The following IGSF11 variants were observed in gnomAD, a reference collection of about 807,000 sequenced individuals.
IGSF11 encodes the protein immunoglobulin superfamily member 11.
A neutral mutation model predicts 41.0 loss-of-function variants in IGSF11; 22 were observed. That is an observed-to-expected ratio of 0.54 (90% CI 0.38 to 0.77). IGSF11 has a LOEUF of 0.77. Ranked by LOEUF, IGSF11 falls within the 30% of genes least tolerant of loss-of-function variation. IGSF11 has a pLI of 0.00. For synonymous variants in IGSF11, 219 were observed against 201.3 expected, an observed-to-expected ratio of 1.09 and a Z score of -0.74; for missense variants, 444 against 530.8, an observed-to-expected ratio of 0.84 and a Z score of 1.61.
At chr3:119,107,440 T>G (rs1267967590), upstream of IGSF11, among the ~76,000 whole-genome samples, 2 of 152,230 alleles carry the variant, frequency 1.3e-5, no homozygotes, top group Non-Finnish European at 2.9e-5. Flanking sequence ...GGTTGTTTGT[T>G]TTTTTCTTGT....
intron 1 of IGSF11, among the ~76,000 whole-genome samples, chr3:119,004,956 A>G (rs895787183): frequency 6.6e-6 from 1 of 151,166 alleles, no homozygotes; most frequent in African/African-American, 2.4e-5. Context: ...TGGGGTGGAG[A>G]GTTCTGTAGA....
intron 1 of IGSF11, among the ~76,000 whole-genome samples, chr3:118,952,728 T>C (rs926857873): frequency 1.3e-5 from 2 of 151,948 alleles, no homozygotes; most frequent in African/African-American, 4.8e-5. Context: ...TACACAAAAA[T>C]GAGAAGTAAA....
At chr3:118,998,956 T>C (rs1283154454) in intron 1 of IGSF11, among the ~76,000 whole-genome samples, 1 of 152,116 alleles carries the variant, frequency 6.6e-6, no homozygotes, top group African/African-American at 2.4e-5. Context: ...CAAGTTATGT[T>C]ACATCCATAC....
At chr3:118,903,003 A>C (rs369198759) in intron 6 of IGSF11, 42 bp from the exon 7 acceptor site, 11 of 1,555,448 alleles carry the variant, frequency 7.1e-6, no homozygotes, top group East Asian at 2.3e-5. Context: ...ATTTACTTCA[A>C]GTTAATCCTA....
chr3:119,127,534 A>T lies in IGSF11; in HGVS notation c.-14+18279T>A, dbSNP rs141107275. On this transcript the variant is annotated intron_variant, in intron 1 of 7. Transcript: ENST00000425327. Reference sequence around the variant, plus strand: ...ACTTCCCCAACTTTGCCAACATGCAAATTCAGGAAATACAGAGAACACCAT... The same window carrying T: ...ACTTCCCCAACTTTGCCAACATGCATATTCAGGAAATACAGAGAACACCAT... Among the ~76,000 whole-genome samples, 548 of 152,220 alleles carry T rather than the reference A, an allele frequency of 3.6e-3. 3 individuals carry two copies. The highest frequency in any genetic ancestry group is 0.012 in the African/African-American group (505 of 41,530).
chr3:119,004,894 A>G (rs553261732), intron 1 of IGSF11, among the ~76,000 whole-genome samples: 3 of 152,204 alleles, frequency 2.0e-5, no homozygotes, highest in South Asian at 2.1e-4. Flanking sequence ...TATGTGGTCA[A>G]TTTTGGAATA....
In IGSF11 at chr3:118,904,526, A is replaced by G. The variant is rs182636242; in HGVS notation, c.854+122T>C. 9 of 720,414 alleles carry G rather than the reference A, an allele frequency of 1.2e-5. No individual in the cohort carries two copies. In the East Asian group the frequency reaches 2.3e-4, roughly 18 times the overall value. The allele number at this position is 720,414 out of a possible 1,614,324, so 44.6% of individuals were successfully genotyped here. Reference sequence around the variant, plus strand: ...AGTGATATACAAGAAAATACCATTTAGCCACTTTAATAGTCTCGGCCATCA... The same window carrying G: ...AGTGATATACAAGAAAATACCATTTGGCCACTTTAATAGTCTCGGCCATCA... On this transcript the variant is annotated intron_variant, in intron 6 of 6. Transcript: ENST00000393775.
chr3:119,000,844 T>C (rs1936749821), intron 1 of IGSF11, among the ~76,000 whole-genome samples: 1 of 152,206 alleles, frequency 6.6e-6, no homozygotes, highest in Admixed American at 6.5e-5. Context: ...AGAGTGCCTC[T>C]GTTCAAATCT....
At chr3:119,082,771 C>T (rs1468449602) in intron 1 of IGSF11, among the ~76,000 whole-genome samples, 1 of 152,142 alleles carries the variant, frequency 6.6e-6, no homozygotes, top group Non-Finnish European at 1.5e-5. Flanking sequence ...AAAAATTAAA[C>T]TTTACTGAAA....
chr3:118,999,178 GA>G (rs1559764951), intron 1 of IGSF11, among the ~76,000 whole-genome samples: 1 of 151,892 alleles, frequency 6.6e-6, no homozygotes, highest in Non-Finnish European at 1.5e-5. Context: ...CAGGATATGA[GA>G]AAAACTTACT....
At chr3:119,138,556 A>C (rs1249036977) in intron 1 of IGSF11, among the ~76,000 whole-genome samples, 2 of 152,172 alleles carry the variant, frequency 1.3e-5, no homozygotes, top group Non-Finnish European at 2.9e-5. Flanking sequence ...ATGGTGGCAC[A>C]TGCCTGTAAT....
intron 1 of IGSF11, among the ~76,000 whole-genome samples, chr3:119,042,282 T>C (rs186562719): frequency 2.0e-5 from 3 of 152,224 alleles, no homozygotes; most frequent in Non-Finnish European, 2.9e-5. Flanking sequence ...AGGAAGCTCA[T>C]AGTGCACATT....
At chr3:118,908,672 A>G (rs1310270185) in intron 4 of IGSF11, among the ~76,000 whole-genome samples, 1 of 152,178 alleles carries the variant, frequency 6.6e-6, no homozygotes, top group Non-Finnish European at 1.5e-5. Flanking sequence ...CTCACACTCC[A>G]CTGTTTTAGT....
intron 4 of IGSF11, among the ~76,000 whole-genome samples, chr3:118,924,076 G>A (rs915168366): frequency 1.3e-5 from 2 of 151,798 alleles, no homozygotes; most frequent in African/African-American, 4.8e-5. Flanking sequence ...ACATTAGTTG[G>A]CATCATACTG....
chr3:118,922,119 T>C (rs1445611831), intron 4 of IGSF11, among the ~76,000 whole-genome samples: 5 of 152,114 alleles, frequency 3.3e-5, no homozygotes, highest in African/African-American at 9.7e-5. Context: ...AATTTATTTT[T>C]AAAAATCACA....
chr3:119,050,299 G>GA (rs201897494), intron 1 of IGSF11, among the ~76,000 whole-genome samples: 26,357 of 151,842 alleles, frequency 0.17, 2,784 homozygotes, highest in Non-Finnish European at 0.24. Context: ...AAATTTACAA[G>GA]AAAAAAACAA....
intron 1 of IGSF11, among the ~76,000 whole-genome samples, chr3:118,989,282 A>G (rs1935550343): frequency 6.6e-6 from 1 of 152,242 alleles, no homozygotes; most frequent in Non-Finnish European, 1.5e-5. Context: ...AGACCTGTGA[A>G]TTGTTGGTTG....
chr3:119,101,172 C>T (rs1488251784), intron 1 of IGSF11, among the ~76,000 whole-genome samples: 2 of 152,092 alleles, frequency 1.3e-5, no homozygotes, highest in Non-Finnish European at 2.9e-5. Flanking sequence ...TTTAAATAGC[C>T]TCTTTTTACA....
intron 1 of IGSF11, among the ~76,000 whole-genome samples, chr3:118,966,384 GC>G (rs2107610261): frequency 6.6e-6 from 1 of 152,064 alleles, no homozygotes; most frequent in Admixed American, 6.5e-5. Context: ...GTGTTAAAAG[GC>G]CCCTGGCTCC....
Sources: allele counts gnomAD v4.1 joint callset (sites outside exome capture counted in the v4.1 genomes callset), GRCh38; gene constraint gnomAD v4.1.1; transcripts MANE v1.5; gene names NCBI Gene and HGNC (gene_info 2026-07-23, HGNC 2026-07-21).